ATL1: variants seen among roughly 807,000 people sequenced by gnomAD.
ATL1 encodes atlastin-1.
ATL1 carries 31 observed loss-of-function variants against 75.5 expected under a neutral mutation model. The observed-to-expected ratio is 0.41, with a 90% CI of 0.31 to 0.55. ATL1 has a LOEUF of 0.55. Ranked by LOEUF, ATL1 falls within the 20% of genes least tolerant of loss-of-function variation. The probability of loss-of-function intolerance (pLI) is 0.27; values close to 1 mark genes in which losing one functional copy is unlikely to be tolerated. For missense variants in ATL1, 405 were observed against 662.6 expected (o/e 0.61, Z 4.27); for synonymous variants, 226 against 233.3 (o/e 0.97, Z 0.28).
chr14:50,576,673 C>A (rs1254144464), intron 1 of ATL1, among the ~76,000 whole-genome samples: 3 of 152,024 alleles, frequency 2.0e-5, no homozygotes, highest in African/African-American at 7.2e-5. Flanking sequence ...ATTTCTGGAC[C>A]CAAGTGATCC....
chr14:50,587,019 T>C (rs1416028035), intron 1 of ATL1, among the ~76,000 whole-genome samples: 1 of 152,180 alleles, frequency 6.6e-6, no homozygotes, highest in Non-Finnish European at 1.5e-5. Context: ...GCAAGGTCAG[T>C]CACATCTTTG....
intron 1 of ATL1, among the ~76,000 whole-genome samples, chr14:50,546,003 C>G (rs1190173053): frequency 1.3e-5 from 2 of 152,152 alleles, no homozygotes; most frequent in Non-Finnish European, 2.9e-5. Flanking sequence ...TGTTATTAAA[C>G]TACTGGTGTT....
chr14:50,627,343 TAAA>T (rs1281007251), intron 11 of ATL1, among the ~76,000 whole-genome samples: 1 of 152,080 alleles, frequency 6.6e-6, no homozygotes, highest in African/African-American at 2.4e-5. Context: ...AATTAGGAAA[TAAA>T]AAAAATCATG....
chr14:50,549,347 T>A (rs2038673877), intron 1 of ATL1, among the ~76,000 whole-genome samples: 1 of 152,218 alleles, frequency 6.6e-6, no homozygotes, highest in Admixed American at 6.5e-5. Context: ...CCATCCTCTA[T>A]GCAGATATTC....
chr14:50,536,802 G>A (rs1174083650), intron 1 of ATL1, among the ~76,000 whole-genome samples: 2 of 152,198 alleles, frequency 1.3e-5, no homozygotes, highest in Non-Finnish European at 2.9e-5. Context: ...AGAAGATTTA[G>A]GGTATCTGGC....
chr14:50,578,164 C>T (rs1200580226), intron 1 of ATL1, among the ~76,000 whole-genome samples: 1 of 152,144 alleles, frequency 6.6e-6, no homozygotes, highest in Non-Finnish European at 1.5e-5. Flanking sequence ...ATTTTGCTTA[C>T]ATAGACAGAA....
At chr14:50,613,418 G>C in intron 7 of ATL1, 67 bp downstream of exon 7, 1 of 1,226,622 alleles carries the variant, frequency 8.2e-7, no homozygotes, top group South Asian at 1.2e-5. Flanking sequence ...TGGATCATTT[G>C]GTGAATAGAT....
In ATL1 at chr14:50,542,006, CAAAAAAAAAAAAAAAAAAAAAAA is replaced by C. The variant is rs59075218; in HGVS notation, c.-140+8659_-140+8681del. On this transcript the variant is annotated intron_variant, in intron 1 of 13. Transcript: ENST00000441560. ...TGGGCGACAGAGCGAGATTCCGTCT[CAAAAAAAAAAAAAAAAAAAAAAA>C]AAAAAAAAAAAAAAAAAAAGAATAT... Among the ~76,000 whole-genome samples, 134 of 62,472 alleles carry C rather than the reference CAAAAAAAAAAAAAAAAAAAAAAA, an allele frequency of 2.1e-3. 2 individuals are homozygous for C. Among genetic ancestry groups the C allele is most frequent in the African/African-American group, 9.1e-3 (115 of 12,624 alleles). 41.0% of individuals were successfully genotyped at this position (62,472 alleles called of 152,430 possible).
At chr14:50,575,903 G>A (rs978386666) in intron 1 of ATL1, among the ~76,000 whole-genome samples, 2 of 152,116 alleles carry the variant, frequency 1.3e-5, no homozygotes, top group African/African-American at 4.8e-5. Context: ...CCAGCTTCCA[G>A]TAACTCAGAA....
intron 1 of ATL1, among the ~76,000 whole-genome samples, chr14:50,576,269 T>G (rs769200214): frequency 2.0e-5 from 3 of 152,126 alleles, no homozygotes; most frequent in Admixed American, 1.3e-4. Context: ...GGAGGTTAGG[T>G]GTATCAAATG....
At chr14:50,569,225 T>C (rs1432623501) in intron 1 of ATL1, among the ~76,000 whole-genome samples, 3 of 151,634 alleles carry the variant, frequency 2.0e-5, no homozygotes, top group African/African-American at 7.3e-5. Flanking sequence ...CCAGGTGTGG[T>C]GGTGCATGCC....
At chr14:50,546,121 C>T (rs979060892) in intron 1 of ATL1, among the ~76,000 whole-genome samples, 1 of 152,044 alleles carries the variant, frequency 6.6e-6, no homozygotes, top group African/African-American at 2.4e-5. Context: ...GTTAGAAACT[C>T]ATTTGAAACT....
At chr14:50,626,913 C>T (rs955578124) in intron 11 of ATL1, among the ~76,000 whole-genome samples, 1 of 152,160 alleles carries the variant, frequency 6.6e-6, no homozygotes, top group Admixed American at 6.5e-5. Flanking sequence ...CTACTCTTTT[C>T]CTTTCCAGGG....
rs781364352 is a variant in ATL1 at position 50,628,234 on chromosome 14, C to T, written c.1323C>T (p.Ile441=). ...QYIKHNDSKN[I]FHAARTPATL... is the part of the protein sequence containing the mutation. ...TCAAGCACAATGATAGCAAAAATAT[C>T]TTCCATGCAGCTCGTACCCCAGCCA... The change falls in exon 12 of 14, where the codon ATC becomes ATT. Residue 441 remains isoleucine (I), a synonymous_variant. Coordinates refer to ENST00000358385, the MANE Select transcript of ATL1 (RefSeq NM_015915.5). 13 of 1,614,182 alleles carry T rather than the reference C, an allele frequency of 8.1e-6. No homozygotes were observed. The highest frequency in any genetic ancestry group is 5.5e-5 in the South Asian group (5 of 91,078).
intron 6 of ATL1, among the ~76,000 whole-genome samples, chr14:50,599,904 G>A (rs1341192008): frequency 6.6e-6 from 1 of 152,054 alleles, no homozygotes; most frequent in Admixed American, 6.6e-5. Context: ...ACCTGGTGTG[G>A]GGAGGAGGTG....
intron 1 of ATL1, among the ~76,000 whole-genome samples, chr14:50,539,284 TAGC>T (rs1284542895): frequency 2.6e-5 from 4 of 152,208 alleles, no homozygotes; most frequent in Non-Finnish European, 4.4e-5. Flanking sequence ...CTCTAGCACT[TAGC>T]TGCTGTAACA....
rs565039552 is a variant in ATL1, at chr14:50,615,076, AT to A, written c.862+567del. Among the ~76,000 whole-genome samples the A allele has an allele frequency of 3.7e-4, 56 of 152,300 alleles. No individual in the cohort carries two copies. In the East Asian group the frequency reaches 0.011, roughly 29 times the overall value. On this transcript the variant is annotated intron_variant, in intron 8 of 13. Coordinates refer to ENST00000358385, the MANE Select transcript of ATL1 (RefSeq NM_015915.5). ...TAATTATGTCTTTAATAGAGGACTG[AT>A]TGTTACATGATTCCAAAGCAGCTTG...
intron 6 of ATL1, among the ~76,000 whole-genome samples, chr14:50,603,532 C>T (rs368577677): frequency 1.3e-5 from 2 of 152,146 alleles, no homozygotes; most frequent in South Asian, 2.1e-4. Flanking sequence ...AGTACTGTTT[C>T]TCACCATTTC....
At chr14:50,576,537 G>A (rs767125119) in intron 1 of ATL1, among the ~76,000 whole-genome samples, 8 of 152,010 alleles carry the variant, frequency 5.3e-5, no homozygotes, top group Non-Finnish European at 1.2e-4. Flanking sequence ...AAGAAATCTG[G>A]TGCTGAGGAA....
Sources: gnomAD v4.1 joint callset for allele counts (sites outside exome capture counted in the v4.1 genomes callset) on GRCh38, gnomAD v4.1.1 for gene constraint, MANE v1.5 for transcripts, NCBI Gene and HGNC (gene_info 2026-07-23, HGNC 2026-07-21) for gene names.